SCAF4: variants seen among roughly 807,000 people sequenced by gnomAD.
The protein encoded by SCAF4 is SR-related CTD associated factor 4.
A neutral mutation model predicts 129.8 loss-of-function variants in SCAF4; 25 were observed. The observed-to-expected ratio is 0.19, with a 90% confidence interval of 0.14 to 0.27. SCAF4 has a LOEUF of 0.27. Ranked by LOEUF, SCAF4 falls within the 10% of genes least tolerant of loss-of-function variation. The probability of loss-of-function intolerance (pLI) is 1.00; values close to 1 mark genes in which losing one functional copy is unlikely to be tolerated. For missense variants in SCAF4, 1,246 were observed against 1,457.1 expected, an observed-to-expected ratio of 0.86 and a Z score of 2.36; for synonymous variants, 551 against 497.7, an observed-to-expected ratio of 1.11 and a Z score of -1.43.
chr21:31,689,520 G>A (rs2050208839), intron 15 of SCAF4, among the ~76,000 whole-genome samples: 1 of 147,724 alleles, frequency 6.8e-6, no homozygotes, highest in African/African-American at 2.5e-5. Flanking sequence ...ATGTTGGCCA[G>A]GCTGGTCTCA....
rs368053787 is a variant in SCAF4 at position 31,672,339 on chromosome 21, G to A, written c.2504C>T (p.Ala835Val). ...PVSLLGTQGV[A>V]PGPVIGLQAP... Reference sequence around the variant, plus strand: ...CTGAAGTCCAATTACAGGACCAGGGGCAACTCCTTGAGTGCCTAAAAGACG... The same window carrying A: ...CTGAAGTCCAATTACAGGACCAGGGACAACTCCTTGAGTGCCTAAAAGACG... Residue 835 changes from alanine (A) to valine (V), a missense_variant, in exon 20 of 20, where the codon GCC becomes GTC. By Grantham distance (64) the Ala-to-Val change is moderately conservative. Around this residue, in one of 6 missense-constraint regions of SCAF4, gnomAD observed 468 missense variants for 605.5 expected, o/e 0.77. Coordinates refer to ENST00000286835, the MANE Select transcript of SCAF4 (RefSeq NM_020706.2). 6.2e-7 allele frequency: 1 copy of A among 1,613,324 alleles called. No individual in the cohort carries two copies. The highest frequency in any genetic ancestry group is 8.5e-7 in the Non-Finnish European group (1 of 1,179,850).
intron 7 of SCAF4, among the ~76,000 whole-genome samples, chr21:31,699,593 A>G (rs2050472688): frequency 6.6e-6 from 1 of 152,024 alleles, no homozygotes; most frequent in African/African-American, 2.4e-5. Flanking sequence ...ATAAATCACT[A>G]AGATATAATG....
chr21:31,711,333 G>C (rs1050228835), intron 1 of SCAF4, among the ~76,000 whole-genome samples: 3 of 152,170 alleles, frequency 2.0e-5, no homozygotes, highest in African/African-American at 4.8e-5. Context: ...TCTACCTTTT[G>C]CAAGACAAAA....
intron 9 of SCAF4, 45 bp from the exon 10 acceptor site, chr21:31,695,025 A>G: frequency 6.5e-7 from 1 of 1,529,322 alleles, no homozygotes; most frequent in East Asian, 2.3e-5. Flanking sequence ...TATCAAAATA[A>G]TTTGGAAAAC....
intron 1 of SCAF4, among the ~76,000 whole-genome samples, chr21:31,712,285 T>C (rs1477982958): frequency 6.6e-6 from 1 of 150,690 alleles, no homozygotes; most frequent in Non-Finnish European, 1.5e-5. Context: ...TGGTGGGATC[T>C]TGGCTCACTG....
Position 31,701,113 on chromosome 21 carries a change from T to C in SCAF4, c.659A>G (p.Asp220Gly), listed in dbSNP as rs369417631. The C allele has an allele frequency of 3.1e-6, 5 of 1,613,594 alleles. No homozygotes were observed. Among genetic ancestry groups the C allele is most frequent in the Non-Finnish European group, 3.4e-6 (4 of 1,179,748 alleles). The part of the protein sequence containing the change: ...QPPKPQSPAL[D>G]NAVMAQVQAI... ...CTGAACCTGAGCCATCACAGCATTG[T>C]CAAGGGCAGGAGACTGTGGTTTTGG... The change falls in exon 7 of 20, where the codon GAC becomes GGC. Residue 220 changes from aspartate (D) to glycine (G), a missense_variant. Coordinates refer to ENST00000286835, the MANE Select transcript of SCAF4 (RefSeq NM_020706.2).
At chr21:31,689,879 G>A (rs974463436) in intron 15 of SCAF4, among the ~76,000 whole-genome samples, 6 of 151,872 alleles carry the variant, frequency 4.0e-5, no homozygotes, top group Non-Finnish European at 7.4e-5. Context: ...AGGTTGCAGT[G>A]AGCCAAGATC....
chr21:31,695,662 G>T (rs934577379), intron 9 of SCAF4, among the ~76,000 whole-genome samples: 1 of 152,150 alleles, frequency 6.6e-6, no homozygotes, highest in African/African-American at 2.4e-5. Context: ...CTCAATGAGA[G>T]AATTTACTGG....
At chr21:31,707,516 C>T (rs1189872064) in intron 1 of SCAF4, among the ~76,000 whole-genome samples, 3 of 152,196 alleles carry the variant, frequency 2.0e-5, no homozygotes, top group Non-Finnish European at 2.9e-5. Context: ...AAAATCCTGA[C>T]ATTAAGAAAC....
chr21:31,671,736 C>G lies in SCAF4; in HGVS notation c.3107G>C (p.Arg1036Thr), dbSNP rs780990870. The G allele has an allele frequency of 6.2e-7, 1 of 1,614,160 alleles. No individual in the cohort carries two copies. The highest frequency in any genetic ancestry group is 1.1e-5 in the South Asian group (1 of 91,074). The change falls in exon 20 of 20, where the codon AGG (arginine) becomes ACG (threonine). Residue 1036 changes from arginine (R) to threonine (T), a missense_variant. This residue lies in a region of SCAF4 where 339 missense variants were observed against 325.0 expected (regional missense o/e 1.04). Transcript: ENST00000286835. ...SNRDRREWGR[R>T]SPDRDRHRDL... Reference sequence around the variant, plus strand: ...TCTGTGCCTGTCCCGGTCAGGGCTCCTCCTTCCCCACTCTCTCCTGTCACG... The same window carrying G: ...TCTGTGCCTGTCCCGGTCAGGGCTCGTCCTTCCCCACTCTCTCCTGTCACG...
chr21:31,731,757 CGG>C lies in SCAF4; in HGVS notation c.-67_-66del. 6.5e-7 allele frequency: 1 copy of C among 1,535,370 alleles called. No individual in the cohort carries two copies. The highest frequency in any genetic ancestry group is 1.2e-5 in the South Asian group (1 of 83,926). On this transcript the variant is annotated 5_prime_UTR_variant, in exon 1 of 20. Transcript: ENST00000286835. ...ACATAGACCTCGCGCCGCGGCGGAG[CGG>C]GGCTGGGAAACCAGCCGGGCCTGGT...
In SCAF4 at chr21:31,672,029, GTC is replaced by G. The variant is rs1244831462; in HGVS notation, c.2812_2813del (p.Asp938ArgfsTer46). 2.5e-6 allele frequency: 4 copies of G among 1,613,030 alleles called. No individual in the cohort carries two copies. The highest frequency in any genetic ancestry group is 2.2e-5 in the East Asian group (1 of 44,886). On this transcript the variant is annotated frameshift_variant, in exon 20 of 20. Transcript: ENST00000286835. LOFTEE classifies it high-confidence loss of function. ...GPGPGGPEDR[D>X]GRQQPPQQPQ... ...GCTGCTGCGGCGGCTGTTGCCTTCC[GTC>G]TCTGTCTTCAGGACCCCCTGGGCCT...
intron 8 of SCAF4, 42 bp downstream of exon 8, chr21:31,696,527 T>G: frequency 6.6e-7 from 1 of 1,522,202 alleles, no homozygotes; most frequent in Non-Finnish European, 8.9e-7. Context: ...TTACAACTAT[T>G]ACCAATTTTC....
In SCAF4 at chr21:31,696,644, G is replaced by A. The variant is rs1276461160; in HGVS notation, c.884C>T (p.Pro295Leu). 6.2e-7 allele frequency: 1 copy of A among 1,614,012 alleles called. No homozygotes were observed. The highest frequency in any genetic ancestry group is 2.2e-5 in the East Asian group (1 of 44,880). Reference sequence around the variant, plus strand: ...AGGCACGGTGGCGGTGGGTGCAGGGGGTACTGCGGCAGCAGGTGCTGTCGT... The same window carrying A: ...AGGCACGGTGGCGGTGGGTGCAGGGAGTACTGCGGCAGCAGGTGCTGTCGT... ...VTTTAPAAAV[P>L]PAPTATVPAA... The change falls in exon 8 of 20, where the codon CCC (proline) becomes CTC (leucine). Residue 295 changes from proline to leucine, a missense_variant. Pro to Leu is a moderately conservative substitution (Grantham distance 98, BLOSUM62 -3). Around this residue, in one of 6 missense-constraint regions of SCAF4, gnomAD observed 236 missense variants for 210.0 expected, o/e 1.12. Transcript: ENST00000286835.
At chr21:31,685,844 G>T in intron 16 of SCAF4, 111 bp from the exon 17 acceptor site, 1 of 1,041,354 alleles carries the variant, frequency 9.6e-7, no homozygotes, top group Non-Finnish European at 1.4e-6. Context: ...CTTAATTTGT[G>T]CTTATTAGAC....
rs143431814 is a variant in SCAF4, at chr21:31,685,407, T to G, written c.2287A>C (p.Ile763Leu). 1.6e-3 allele frequency: 2,573 copies of G among 1,610,380 alleles called. 3 individuals carry two copies. The highest frequency in any genetic ancestry group is 2.0e-3 in the Non-Finnish European group (2,325 of 1,178,114). The change falls in exon 18 of 20, where the codon ATC (isoleucine) becomes CTC (leucine). Residue 763 changes from isoleucine to leucine, a missense_variant. By Grantham distance (5) the Ile-to-Leu change is conservative. This residue lies in a region of SCAF4 where 468 missense variants were observed against 605.5 expected (regional missense o/e 0.77). Transcript: ENST00000286835. The stretch of plus-strand genomic sequence containing the variant: ...AAAAAAACATGCTTACAGTTTGGGA[T>G]GCTTATTGGTGGAGTGTGAGGAGGA... ...IPPPHTPPIS[I>L]PNSTIAGINE... is the part of the protein sequence containing the mutation.
chr21:31,674,983 C>G (rs1017163141), intron 19 of SCAF4, among the ~76,000 whole-genome samples: 1 of 152,098 alleles, frequency 6.6e-6, no homozygotes, highest in Admixed American at 6.5e-5. Context: ...ATCTGAGTGG[C>G]AGTCATCGGG....
intron 15 of SCAF4, among the ~76,000 whole-genome samples, chr21:31,690,553 G>T (rs1217633334): frequency 6.6e-6 from 1 of 152,102 alleles, no homozygotes; most frequent in Non-Finnish European, 1.5e-5. Flanking sequence ...AAGTTTCACA[G>T]GAAAAGTTCT....
At chr21:31,711,545 G>A (rs2050799358) in intron 1 of SCAF4, among the ~76,000 whole-genome samples, 1 of 152,200 alleles carries the variant, frequency 6.6e-6, no homozygotes, top group Non-Finnish European at 1.5e-5. Context: ...TGATAGCACT[G>A]AGGCTCAACA....
Sources: allele counts gnomAD v4.1 joint callset (sites outside exome capture counted in the v4.1 genomes callset), GRCh38; gene constraint gnomAD v4.1.1; regional missense constraint gnomAD v4.1.1; transcripts MANE v1.5; gene names NCBI Gene and HGNC (gene_info 2026-07-23, HGNC 2026-07-21).